The following BBX variants were observed in gnomAD, a reference collection of about 807,000 sequenced individuals.
The protein encoded by BBX is BBX high mobility group box domain containing.
BBX carries 30 observed loss-of-function variants against 100.2 expected under a neutral mutation model. The observed-to-expected ratio is 0.30, with a 90% CI of 0.22 to 0.41. BBX has a LOEUF of 0.41. Ranked by LOEUF, BBX falls within the 10% of genes least tolerant of loss-of-function variation. BBX has a pLI of 1.00. For synonymous variants in BBX, 376 were observed against 388.1 expected (o/e 0.97, Z 0.37); for missense variants, 1,023 against 1,129.8 (o/e 0.91, Z 1.35).
intron 3 of BBX, among the ~76,000 whole-genome samples, chr3:107,689,422 T>A (rs183595338): frequency 6.6e-6 from 1 of 152,224 alleles, no homozygotes; most frequent in Non-Finnish European, 1.5e-5. Flanking sequence ...TGTTAAGATA[T>A]GTTTGTTCCA....
At chr3:107,727,188 T>C (rs1448747590) in intron 5 of BBX, among the ~76,000 whole-genome samples, 1 of 152,122 alleles carries the variant, frequency 6.6e-6, no homozygotes, top group Non-Finnish European at 1.5e-5. Context: ...GTGGTGACCT[T>C]TGTTCAAGTG....
At chr3:107,660,505 TAAAAA>T (rs34604623) in intron 3 of BBX, among the ~76,000 whole-genome samples, 3 of 101,322 alleles carry the variant, frequency 3.0e-5, no homozygotes, top group Non-Finnish European at 6.0e-5. Flanking sequence ...CAAAAAGCAT[TAAAAA>T]AAAAAAAAAA....
chr3:107,696,526 C>T (rs966633826), intron 3 of BBX, among the ~76,000 whole-genome samples: 2 of 151,716 alleles, frequency 1.3e-5, no homozygotes, highest in African/African-American at 4.9e-5. Context: ...AATACTGGCC[C>T]CCACTCTCTT....
At chr3:107,710,753 CTTAG>C in intron 4 of BBX, 131 bp downstream of exon 4, 1 of 817,184 alleles carries the variant, frequency 1.2e-6, no homozygotes, top group Non-Finnish European at 1.8e-6. Context: ...TATTCAATTA[CTTAG>C]TTTACATTTT....
At chr3:107,593,262 A>G (rs1051116565) in intron 2 of BBX, among the ~76,000 whole-genome samples, 1 of 152,246 alleles carries the variant, frequency 6.6e-6, no homozygotes, top group African/African-American at 2.4e-5. Flanking sequence ...CCTAAGGCGT[A>G]TCTTCTGTTT....
intron 15 of BBX, among the ~76,000 whole-genome samples, chr3:107,798,302 G>C (rs765599629): frequency 6.6e-5 from 10 of 152,152 alleles, no homozygotes; most frequent in Non-Finnish European, 1.2e-4. Context: ...AAAAGAGGGG[G>C]TGTCTTAATT....
chr3:107,565,725 C>G (rs639921), intron 2 of BBX, among the ~76,000 whole-genome samples: 15,121 of 150,254 alleles, frequency 0.1, 874 homozygotes, highest in Non-Finnish European at 0.12. Flanking sequence ...GGATCATGCT[C>G]GGATTACAGG....
chr3:107,539,301 T>C (rs2048714097), intron 2 of BBX, among the ~76,000 whole-genome samples: 1 of 152,162 alleles, frequency 6.6e-6, no homozygotes, highest in South Asian at 2.1e-4. Flanking sequence ...ATTTCTAGTA[T>C]AGTAGTGACA....
intron 2 of BBX, among the ~76,000 whole-genome samples, chr3:107,597,283 T>C (rs2053727287): frequency 6.6e-6 from 1 of 152,196 alleles, no homozygotes; most frequent in Non-Finnish European, 1.5e-5. Context: ...TAAAAATCTA[T>C]TGATTACCCT....
chr3:107,586,201 ATAT>A (rs2052823699), intron 2 of BBX, among the ~76,000 whole-genome samples: 1 of 152,194 alleles, frequency 6.6e-6, no homozygotes, highest in African/African-American at 2.4e-5. Flanking sequence ...GGTTATTTAT[ATAT>A]TATTAACTAA....
chr3:107,605,043 C>T (rs930528300), intron 2 of BBX, among the ~76,000 whole-genome samples: 1 of 152,184 alleles, frequency 6.6e-6, no homozygotes. Context: ...TGTTTGTATT[C>T]AGTACTCGGT....
At chr3:107,612,497 A>G (rs867894972) in intron 2 of BBX, among the ~76,000 whole-genome samples, 1 of 152,146 alleles carries the variant, frequency 6.6e-6, no homozygotes, top group Non-Finnish European at 1.5e-5. Flanking sequence ...GCAGATTTGT[A>G]GAGGTACTAC....
chr3:107,551,500 T>G (rs2049677680), intron 2 of BBX, among the ~76,000 whole-genome samples: 1 of 152,278 alleles, frequency 6.6e-6, no homozygotes, highest in Admixed American at 6.5e-5. Context: ...TATCAGCTTT[T>G]GCTTTCACAT....
At chr3:107,557,549 T>C (rs761895618) in intron 2 of BBX, among the ~76,000 whole-genome samples, 10 of 152,224 alleles carry the variant, frequency 6.6e-5, no homozygotes, top group Non-Finnish European at 1.2e-4. Context: ...TATAGTAAGG[T>C]CTTACTCATA....
At chr3:107,742,242 A>C (rs1317869924) in intron 7 of BBX, among the ~76,000 whole-genome samples, 4 of 151,590 alleles carry the variant, frequency 2.6e-5, no homozygotes, top group Non-Finnish European at 5.9e-5. Context: ...TGTTCTTTAC[A>C]GCTTTTCTGT....
rs1307683183 is a variant in BBX, at chr3:107,574,956, G to A, written c.-84+48558G>A. On this transcript the variant is annotated intron_variant, in intron 2 of 17. Coordinates refer to ENST00000325805, the MANE Select transcript of BBX (RefSeq NM_001142568.3). Reference sequence around the variant, plus strand: ...TATCTGACCACTGGCCATTAGAATTGTTTCAGACTTAAAAATAAAGGAAGA... The same window carrying A: ...TATCTGACCACTGGCCATTAGAATTATTTCAGACTTAAAAATAAAGGAAGA... 3.9e-5 allele frequency among the ~76,000 whole-genome samples: 6 copies of A among 152,184 alleles called. No homozygotes were observed. In the East Asian group the frequency reaches 1.2e-3, roughly 29 times the overall value.
intron 2 of BBX, among the ~76,000 whole-genome samples, chr3:107,527,315 T>G (rs1038243000): frequency 2.0e-5 from 3 of 152,228 alleles, no homozygotes; most frequent in Non-Finnish European, 2.9e-5. Flanking sequence ...CTTTGTAATA[T>G]TACCATAGTG....
At chr3:107,624,345 G>A (rs1027613435) in intron 2 of BBX, among the ~76,000 whole-genome samples, 1 of 151,996 alleles carries the variant, frequency 6.6e-6, no homozygotes, top group Non-Finnish European at 1.5e-5. Flanking sequence ...TTTTTTGTGT[G>A]TGTGTTTAAA....
intron 12 of BBX, among the ~76,000 whole-genome samples, chr3:107,775,154 A>G (rs745672333): frequency 5.3e-5 from 8 of 152,162 alleles, no homozygotes; most frequent in Non-Finnish European, 8.8e-5. Flanking sequence ...GCATTTTTCC[A>G]TCCGAAGCTT....
Sources: allele counts gnomAD v4.1 joint callset (sites outside exome capture counted in the v4.1 genomes callset), GRCh38; gene constraint gnomAD v4.1.1; transcripts MANE v1.5; gene names NCBI Gene and HGNC (gene_info 2026-07-23, HGNC 2026-07-21).